The following GRAP2 variants were observed in gnomAD, a reference collection of about 807,000 sequenced individuals.
GRAP2 encodes the protein GRB2 related adaptor protein 2.
In GRAP2, 31 loss-of-function variants were observed where a neutral mutation model predicts 43.5. The observed-to-expected ratio is 0.71, with a 90% CI of 0.54 to 0.96. GRAP2 has a LOEUF of 0.96. GRAP2 is among the 40% of genes least tolerant of loss of function. GRAP2 has a pLI of 0.00. For missense variants in GRAP2, 371 were observed against 424.4 expected (o/e 0.87, Z 1.11); for synonymous variants, 156 against 164.8 (o/e 0.95, Z 0.41).
chr22:39,908,403 T>C (rs551271568), intron 1 of GRAP2, among the ~76,000 whole-genome samples: 1 of 152,316 alleles, frequency 6.6e-6, no homozygotes, highest in South Asian at 2.1e-4. Context: ...TCCAACCCTG[T>C]GCTCTGCAAT....
chr22:39,932,865 T>G (rs1223848976), intron 1 of GRAP2, among the ~76,000 whole-genome samples: 1 of 152,186 alleles, frequency 6.6e-6, no homozygotes, highest in East Asian at 1.9e-4. Flanking sequence ...ATCATCCCTG[T>G]TTTTAAAATG....
intron 1 of GRAP2, among the ~76,000 whole-genome samples, chr22:39,941,590 C>A (rs1453344574): frequency 1.3e-5 from 2 of 152,084 alleles, no homozygotes; most frequent in Admixed American, 6.5e-5. Context: ...AAAAAAATAT[C>A]AAAAGAATAA....
upstream of GRAP2, among the ~76,000 whole-genome samples, chr22:39,896,599 C>T (rs2066467424): frequency 1.3e-5 from 2 of 152,000 alleles, no homozygotes; most frequent in African/African-American, 4.8e-5. Flanking sequence ...GAGTAGTCAG[C>T]ATATAGAAGG....
In GRAP2 at chr22:39,907,560, G is replaced by A. The variant is rs538969447; in HGVS notation, c.-15+6230G>A. 2.9e-3 allele frequency among the ~76,000 whole-genome samples: 448 copies of A among 152,244 alleles called. 2 individuals carry two copies. Among genetic ancestry groups the A allele is most frequent in the African/African-American group, 0.01 (422 of 41,554 alleles). The stretch of plus-strand genomic sequence containing the variant: ...GAGACCAGCCTGGGCAACATGGTGA[G>A]GCCCCATCTCTACAAGATATTCTTT... On this transcript the variant is annotated intron_variant, in intron 1 of 7. Coordinates refer to ENST00000344138, the MANE Select transcript of GRAP2 (RefSeq NM_004810.4).
At position 39,913,758 on chromosome 22, in the gene GRAP2, C is replaced by A. The variant is rs577759154; in HGVS notation, c.-15+12428C>A. 3.3e-5 allele frequency among the ~76,000 whole-genome samples: 5 copies of A among 152,328 alleles called. No homozygotes were observed. In the South Asian group the frequency reaches 1.0e-3, roughly 32 times the overall value. On this transcript the variant is annotated intron_variant, in intron 1 of 7. Transcript: ENST00000344138. ...CCCCTACTGCAGCGTGCACCTAAAT[C>A]ATTTCAGAAAGATTATCTACGCTTC...
At chr22:39,921,121 G>A (rs1216063745) in intron 1 of GRAP2, among the ~76,000 whole-genome samples, 1 of 152,068 alleles carries the variant, frequency 6.6e-6, no homozygotes, top group Non-Finnish European at 1.5e-5. Flanking sequence ...TTAGCTTCAG[G>A]CCTCCATCCC....
chr22:39,921,192 C>A (rs2066648746), intron 1 of GRAP2, among the ~76,000 whole-genome samples: 1 of 152,138 alleles, frequency 6.6e-6, no homozygotes, highest in Non-Finnish European at 1.5e-5. Context: ...GAAGTCGGAC[C>A]AAAACCTCAC....
At chr22:39,964,808 A>G in intron 4 of GRAP2, 5 of 368,488 alleles carry the variant, frequency 1.4e-5, no homozygotes, top group Non-Finnish European at 2.4e-5. Context: ...TTTAAAGTAA[A>G]ACCAGCTCAG....
the GRAP2 span, among the ~76,000 whole-genome samples, chr22:39,894,935 G>A: frequency 2.0e-5 from 3 of 152,328 alleles, no homozygotes; most frequent in Admixed American, 6.5e-5. Context: ...CTTAAAGGAT[G>A]ACAGGGAGTT....
chr22:39,925,924 C>T (rs1240372940), intron 1 of GRAP2, among the ~76,000 whole-genome samples: 1 of 152,350 alleles, frequency 6.6e-6, no homozygotes, highest in East Asian at 1.9e-4. Flanking sequence ...CTCATCACCT[C>T]CAGGAGACTC....
upstream of GRAP2, among the ~76,000 whole-genome samples, chr22:39,900,250 T>C (rs544101698): frequency 3.9e-5 from 6 of 152,328 alleles, no homozygotes; most frequent in East Asian, 1.2e-3. Context: ...ATTGAATCTC[T>C]CCTTGACACT....
intron 1 of GRAP2, among the ~76,000 whole-genome samples, chr22:39,920,882 C>A (rs983981014): frequency 1.3e-5 from 2 of 151,064 alleles, no homozygotes; most frequent in Admixed American, 1.3e-4. Flanking sequence ...AGGACAAGAC[C>A]TGATAGGCCA....
chr22:39,954,394 A>T (rs2145651344), intron 2 of GRAP2, among the ~76,000 whole-genome samples: 1 of 152,166 alleles, frequency 6.6e-6, no homozygotes, highest in Non-Finnish European at 1.5e-5. Flanking sequence ...TATATCAAAG[A>T]CTTAAAAAAA....
chr22:39,937,444 C>G (rs2066817714), intron 1 of GRAP2, among the ~76,000 whole-genome samples: 1 of 152,178 alleles, frequency 6.6e-6, no homozygotes, highest in Admixed American at 6.5e-5. Context: ...GCAGCTAGGA[C>G]TCCACAGGCA....
intron 1 of GRAP2, among the ~76,000 whole-genome samples, chr22:39,916,523 A>G (rs2066603807): frequency 6.6e-6 from 1 of 152,234 alleles, no homozygotes; most frequent in African/African-American, 2.4e-5. Context: ...TTTAAATTGA[A>G]TGTAAAAAGA....
Position 39,955,853 on chromosome 22 carries a change from A to C in GRAP2, c.113A>C (p.Glu38Ala). The change falls in exon 3 of 8, where the codon GAG becomes GCG. Residue 38 changes from glutamate to alanine, a missense_variant. Glu to Ala is a moderately radical substitution (Grantham distance 107, BLOSUM62 -1). Transcript: ENST00000344138. ...LSNQEEWFKA[E>A]LGSQEGYVPK... is the part of the protein sequence containing the mutation. ...AACCAAGAGGAGTGGTTTAAGGCGGAGCTTGGGAGCCAGGAAGGATATGTG... is the reference window on the plus strand; with the variant it reads ...AACCAAGAGGAGTGGTTTAAGGCGGCGCTTGGGAGCCAGGAAGGATATGTG... 6.3e-7 allele frequency: 1 copy of C among 1,590,890 alleles called. No homozygotes were observed. Among genetic ancestry groups the C allele is most frequent in the Non-Finnish European group, 8.6e-7 (1 of 1,158,862 alleles).
chr22:39,969,660 T>G, intron 7 of GRAP2, 127 bp downstream of exon 7: 3 of 983,522 alleles, frequency 3.1e-6, no homozygotes, highest in Non-Finnish European at 3.0e-6. Flanking sequence ...ACACCTGTAA[T>G]CCCAACACTT....
At chr22:39,963,060 C>T (rs185429605) in intron 4 of GRAP2, among the ~76,000 whole-genome samples, 3 of 152,278 alleles carry the variant, frequency 2.0e-5, no homozygotes, top group African/African-American at 7.2e-5. Context: ...GATATTCAGG[C>T]GATGAAGCTT....
chr22:39,951,843 A>G (rs1292527604), intron 2 of GRAP2, among the ~76,000 whole-genome samples: 1 of 152,122 alleles, frequency 6.6e-6, no homozygotes, highest in African/African-American at 2.4e-5. Flanking sequence ...TACATGGTAA[A>G]GAGCCTGCAA....
Sources: allele counts gnomAD v4.1 joint callset (sites outside exome capture counted in the v4.1 genomes callset), GRCh38; gene constraint gnomAD v4.1.1; transcripts MANE v1.5; gene names NCBI Gene and HGNC (gene_info 2026-07-23, HGNC 2026-07-21).